The following PLA2G2F variants were observed in gnomAD, a reference collection of about 807,000 sequenced individuals.
PLA2G2F encodes the protein phospholipase A2 group IIF, also known as group IIF secretory phospholipase A2.
In PLA2G2F, 17 loss-of-function variants were observed where a neutral mutation model predicts 15.9. The observed-to-expected ratio is 1.07, with a 90% CI of 0.73 to 1.60. The LOEUF (loss-of-function observed/expected upper bound fraction) is 1.60, where lower values mean the gene tolerates loss of function less well. Among genes scored for constraint, PLA2G2F ranks in the 40% most tolerant of loss-of-function variants. PLA2G2F has a pLI of 0.00. For missense variants in PLA2G2F, 299 were observed against 278.2 expected (o/e 1.07, Z -0.53); for synonymous variants, 119 against 106.5 (o/e 1.12, Z -0.72).
In PLA2G2F at chr1:20,139,433, A is replaced by T; in HGVS notation, c.6A>T (p.Ala2=). The T allele has an allele frequency of 6.4e-7, 1 of 1,558,606 alleles. No homozygotes were observed. The highest frequency in any genetic ancestry group is 8.7e-7 in the Non-Finnish European group (1 of 1,150,198). Residue 2 remains alanine, a synonymous_variant, in exon 1 of 5, where the codon GCA becomes GCT. Coordinates refer to ENST00000375102, the MANE Select transcript of PLA2G2F (RefSeq NM_022819.4). ...GGCCCCCCAGAACCCGCAACATGGC[A>T]GATGGGGCAAAGGCCAACCCCAAAG... M[A]DGAKANPKGF... is the part of the protein sequence containing the mutation.
intron 2 of PLA2G2F, 138 bp downstream of exon 2, chr1:20,140,356 C>A: frequency 1.1e-6 from 1 of 917,502 alleles, no homozygotes; most frequent in Non-Finnish European, 1.6e-6. Context: ...TTGTCTCAGC[C>A]CAGCAGGCTG....
chr1:20,140,434 A>G (rs2017435061), intron 2 of PLA2G2F: 1 of 552,998 alleles, frequency 1.8e-6, no homozygotes, highest in Non-Finnish European at 3.2e-6. Flanking sequence ...CCTGGGGGGC[A>G]GGGCGCAGGG....
chr1:20,147,601 A>G (rs1055206041), intron 4 of PLA2G2F, among the ~76,000 whole-genome samples: 15 of 151,834 alleles, frequency 9.9e-5, no homozygotes, highest in Non-Finnish European at 1.8e-4. Flanking sequence ...GGCGTCCACC[A>G]CCACGCCTGG....
intron 4 of PLA2G2F, among the ~76,000 whole-genome samples, chr1:20,146,561 C>T (rs2017612381): frequency 1.3e-5 from 2 of 152,212 alleles, no homozygotes; most frequent in Non-Finnish European, 2.9e-5. Flanking sequence ...GGAGAGGACT[C>T]CCCCTGGCCC....
chr1:20,143,501 C>G lies in PLA2G2F; in HGVS notation c.225C>G (p.Val75=). 6.2e-7 allele frequency: 1 copy of G among 1,614,066 alleles called. No individual in the cohort carries two copies. The highest frequency in any genetic ancestry group is 1.1e-5 in the South Asian group (1 of 91,074). Residue 75 remains valine (V), a synonymous_variant, in exon 3 of 5, where the codon GTC becomes GTG. Coordinates refer to ENST00000375102, the MANE Select transcript of PLA2G2F (RefSeq NM_022819.4). ...ACCTGAAGGCCATGGTGGAGGCCGT[C>G]ACAGGGAGGAGCGCCATCCTGTCCT... ...LLNLKAMVEA[V]TGRSAILSFV...
intron 4 of PLA2G2F, among the ~76,000 whole-genome samples, chr1:20,147,451 C>CT (rs879391906): frequency 0.054 from 7,829 of 144,438 alleles, 445 homozygotes; most frequent in African/African-American, 0.15. Flanking sequence ...ACTCCCTCTT[C>CT]TTTTTTTTTT....
chr1:20,147,257 CTT>C (rs1315251210), intron 4 of PLA2G2F, among the ~76,000 whole-genome samples: 2 of 152,258 alleles, frequency 1.3e-5, no homozygotes, highest in African/African-American at 4.8e-5. Flanking sequence ...GTCCAGCAGT[CTT>C]TGTTGGAACA....
At chr1:20,140,274 G>A (rs563546552) in intron 2 of PLA2G2F, 56 bp downstream of exon 2, 81 of 1,583,796 alleles carry the variant, frequency 5.1e-5, no homozygotes, top group Admixed American at 8.5e-5. Context: ...CTTGTCTCCC[G>A]TGACCTTGGG....
At chr1:20,143,823 C>A (rs1274353826) in intron 3 of PLA2G2F, 10 of 520,866 alleles carry the variant, frequency 1.9e-5, no homozygotes, top group Non-Finnish European at 3.4e-5. Context: ...TTCAGCCCCT[C>A]CTCTCTCTAG....
Position 20,148,577 on chromosome 1 carries a change from C to T in PLA2G2F, c.*176C>T. On this transcript the variant is annotated 3_prime_UTR_variant, in exon 5 of 5. Coordinates refer to ENST00000375102, the MANE Select transcript of PLA2G2F (RefSeq NM_022819.4). ...CTCAGGAAGGCCTGGGTCCTGACTC[C>T]CCCAGCCCAGCCCCAGGCATGGGTG... The T allele has an allele frequency of 1.6e-6, 1 of 610,358 alleles. No homozygotes were observed. Among genetic ancestry groups the T allele is most frequent in the Non-Finnish European group, 2.9e-6 (1 of 346,334 alleles). The allele number at this position is 610,358 out of a possible 1,614,324, so 37.8% of individuals were successfully genotyped here. A position where few individuals can be genotyped will look rare whatever the true frequency, so the allele number is the denominator to read the frequency against.
Position 20,147,657 on chromosome 1 carries a change from C to T in PLA2G2F, c.425-533C>T, listed in dbSNP as rs189724178. ...TAGAGATGGGGTTTCATCATGTTGG[C>T]CAGGCTGGTCTCCAACTCCTGACCT... On this transcript the variant is annotated intron_variant, in intron 4 of 4. Coordinates refer to ENST00000375102, the MANE Select transcript of PLA2G2F (RefSeq NM_022819.4). 1.9e-3 allele frequency among the ~76,000 whole-genome samples: 285 copies of T among 152,160 alleles called. 1 individual carries two copies. The highest frequency in any genetic ancestry group is 6.7e-3 in the African/African-American group (278 of 41,512).
intron 1 of PLA2G2F, among the ~76,000 whole-genome samples, chr1:20,139,932 T>C (rs543365347): frequency 2.0e-5 from 3 of 151,908 alleles, no homozygotes; most frequent in Admixed American, 1.3e-4. Flanking sequence ...GTGGAGGGGG[T>C]TCCTGCCAGA....
Position 20,148,510 on chromosome 1 carries a change from T to A in PLA2G2F, c.*109T>A. On this transcript the variant is annotated 3_prime_UTR_variant, in exon 5 of 5. Transcript: ENST00000375102. ...AGGAGCCTGAGGGTTGCTGGTTGCC[T>A]CCTCCCTGGAGCTCTCCAGTGAGGG... 1 of 907,290 alleles carries A rather than the reference T, an allele frequency of 1.1e-6. No individual in the cohort carries two copies. The highest frequency in any genetic ancestry group is 1.7e-6 in the Non-Finnish European group (1 of 592,558). The allele number at this position is 907,290 out of a possible 1,614,324, so 56.2% of individuals were successfully genotyped here.
In PLA2G2F at chr1:20,148,330, A is replaced by C. The variant is rs1381172385; in HGVS notation, c.565A>C (p.Ser189Arg). The change falls in exon 5 of 5, where the codon AGC becomes CGC. Residue 189 changes from serine (S) to arginine (R), a missense_variant. By Grantham distance (110) the Ser-to-Arg change is moderately radical. Coordinates refer to ENST00000375102, the MANE Select transcript of PLA2G2F (RefSeq NM_022819.4). ...VYCQGPTPNC[S>R]IYEPPPEEVT... ...CTGCCAGGGCCCCACGCCCAACTGC[A>C]GCATCTATGAACCGCCCCCTGAGGA... The C allele has an allele frequency of 6.2e-7, 1 of 1,613,896 alleles. No homozygotes were observed. Among genetic ancestry groups the C allele is most frequent in the Non-Finnish European group, 8.5e-7 (1 of 1,179,998 alleles).
At chr1:20,146,595 C>T (rs1033012926) in intron 4 of PLA2G2F, among the ~76,000 whole-genome samples, 4 of 152,238 alleles carry the variant, frequency 2.6e-5, no homozygotes, top group Non-Finnish European at 1.5e-5. Context: ...CCACTGGGCC[C>T]TCTTTGCCCC....
intron 3 of PLA2G2F, 119 bp downstream of exon 3, chr1:20,143,709 C>A (rs1050116051): frequency 1.6e-6 from 2 of 1,277,132 alleles, no homozygotes; most frequent in Non-Finnish European, 2.2e-6. Flanking sequence ...GATCCAGCTT[C>A]TTTGATGACT....
In PLA2G2F at chr1:20,144,628, C is replaced by T; in HGVS notation, c.363C>T (p.Gly121=). The T allele has an allele frequency of 1.2e-6, 2 of 1,612,578 alleles. No individual in the cohort carries two copies. The highest frequency in any genetic ancestry group is 1.7e-6 in the Non-Finnish European group (2 of 1,179,374). The change falls in exon 4 of 5, where the codon GGC becomes GGT. Residue 121 remains glycine (G), a synonymous_variant. Transcript: ENST00000375102. ...GCTACCAGGAACTCTTTGACCAAGG[C>T]TGTCACCCCTATGTGGACCACTATG... The part of the protein sequence containing the change: ...DCCYQELFDQ[G]CHPYVDHYDH...
Position 20,148,663 on chromosome 1 carries a change from G to A in PLA2G2F, c.*262G>A. 1.9e-6 allele frequency: 1 copy of A among 516,960 alleles called. No individual in the cohort carries two copies. The highest frequency in any genetic ancestry group is 3.3e-5 in the Admixed American group (1 of 30,226). The allele number at this position is 516,960 out of a possible 1,614,324, so 32.0% of individuals were successfully genotyped here. On this transcript the variant is annotated 3_prime_UTR_variant, in exon 5 of 5. Transcript: ENST00000375102. Reference sequence around the variant, plus strand: ...CGGAGCTTATAGGGGTCTCTCCTGAGGGTGGCCGGGGAGACCTGAGAGAGA... The same window carrying A: ...CGGAGCTTATAGGGGTCTCTCCTGAAGGTGGCCGGGGAGACCTGAGAGAGA...
At position 20,148,429 on chromosome 1, in the gene PLA2G2F, G is replaced by A; in HGVS notation, c.*28G>A. ...CCTCTGAGGTTTGAGAGAGAGAGCG[G>A]GAGGAGGGTCTGGCTTGGGGACCAG... On this transcript the variant is annotated 3_prime_UTR_variant, in exon 5 of 5. Coordinates refer to ENST00000375102, the MANE Select transcript of PLA2G2F (RefSeq NM_022819.4). 2 of 1,578,166 alleles carry A rather than the reference G, an allele frequency of 1.3e-6. No homozygotes were observed. Among genetic ancestry groups the A allele is most frequent in the Non-Finnish European group, 1.7e-6 (2 of 1,149,542 alleles).
Sources: allele counts gnomAD v4.1 joint callset (sites outside exome capture counted in the v4.1 genomes callset), GRCh38; gene constraint gnomAD v4.1.1; transcripts MANE v1.5; gene names NCBI Gene and HGNC (gene_info 2026-07-23, HGNC 2026-07-21).